LOC400499: variants seen among roughly 807,000 people sequenced by gnomAD.
the LOC400499 span, chr16:11,518,887 C>T: frequency 2.5e-5 from 10 of 398,968 alleles, no homozygotes; most frequent in South Asian, 1.3e-4. Flanking sequence ...AGCCCCATGG[C>T]CAAGTGTCTT....
At chr16:11,471,485 C>A in the LOC400499 span, 3 of 396,542 alleles carry the variant, frequency 7.6e-6, no homozygotes, top group Non-Finnish European at 1.3e-5. Context: ...ATCATACAGC[C>A]CCAGATGGAG....
chr16:11,401,721 G>A, the LOC400499 span, among the ~76,000 whole-genome samples: 3 of 152,172 alleles, frequency 2.0e-5, no homozygotes, highest in East Asian at 5.8e-4. Context: ...CTTCAATTTC[G>A]TCATCTGAAC....
chr16:11,488,154 T>G, the LOC400499 span, among the ~76,000 whole-genome samples: 2 of 151,950 alleles, frequency 1.3e-5, no homozygotes, highest in African/African-American at 4.8e-5. Context: ...TACCCGCCTC[T>G]TGGTGTACAG....
the LOC400499 span, chr16:11,442,540 A>T: frequency 6.6e-6 from 1 of 152,216 alleles, no homozygotes; most frequent in Non-Finnish European, 1.5e-5. Flanking sequence ...GGTTTTAAAA[A>T]GAGCAGACAG....
chr16:11,444,425 G>T, the LOC400499 span, among the ~76,000 whole-genome samples: 2 of 152,074 alleles, frequency 1.3e-5, no homozygotes, highest in African/African-American at 4.8e-5. Context: ...TAAGTCAGGG[G>T]TCAGCAACTA....
At chr16:11,479,014 A>T in the LOC400499 span, among the ~76,000 whole-genome samples, 70 of 152,248 alleles carry the variant, frequency 4.6e-4, no homozygotes, top group African/African-American at 1.6e-3. Flanking sequence ...GTCAGTTGGA[A>T]CTGTAAATCT....
the LOC400499 span, among the ~76,000 whole-genome samples, chr16:11,511,037 G>T: frequency 6.7e-6 from 1 of 149,538 alleles, no homozygotes; most frequent in Admixed American, 6.7e-5. Context: ...TCACTCTGTC[G>T]CCAGGCTGGA....
chr16:11,479,279 T>G, the LOC400499 span, among the ~76,000 whole-genome samples: 1 of 152,168 alleles, frequency 6.6e-6, no homozygotes, highest in African/African-American at 2.4e-5. Flanking sequence ...GTGTATGTTT[T>G]CATGAAGGTT....
At chr16:11,526,606 C>T in the LOC400499 span, among the ~76,000 whole-genome samples, 1 of 152,184 alleles carries the variant, frequency 6.6e-6, no homozygotes, top group African/African-American at 2.4e-5. Context: ...CTATTGATTA[C>T]ATTTTCTAAT....
the LOC400499 span, among the ~76,000 whole-genome samples, chr16:11,505,445 C>CTTTTTTT: frequency 2.8e-3 from 199 of 71,984 alleles, 5 homozygotes; most frequent in Non-Finnish European, 4.0e-3. Flanking sequence ...TTTTTCTTTT[C>CTTTTTTT]TTTTTTTTTT....
the LOC400499 span, among the ~76,000 whole-genome samples, chr16:11,378,712 G>A: frequency 1.3e-5 from 2 of 152,164 alleles, no homozygotes; most frequent in Admixed American, 1.3e-4. Context: ...TTTGTAGTAT[G>A]TTGTTTAGTT....
the LOC400499 span, among the ~76,000 whole-genome samples, chr16:11,426,846 A>G: frequency 6.9e-6 from 1 of 145,014 alleles, no homozygotes; most frequent in Admixed American, 7.1e-5. Flanking sequence ...TGCTTGAGCC[A>G]TGATCATCCC....
chr16:11,415,402 G>A, the LOC400499 span, among the ~76,000 whole-genome samples: 7,850 of 152,248 alleles, frequency 0.052, 697 homozygotes, highest in African/African-American at 0.18. Context: ...CCAGCAGGGT[G>A]GACGAGCTCC....
chr16:11,478,031 G>A, the LOC400499 span: 190 of 397,178 alleles, frequency 4.8e-4, 2 homozygotes, highest in East Asian at 6.0e-3. Flanking sequence ...GATAAGCGGG[G>A]GCCGGGCTCG....
the LOC400499 span, chr16:11,446,534 G>C: frequency 1.9e-5 from 29 of 1,535,266 alleles, no homozygotes; most frequent in South Asian, 3.1e-4. Context: ...AAAGTCTCTG[G>C]GGTCTCTGCT....
the LOC400499 span, chr16:11,383,728 T>C: frequency 8.1e-7 from 1 of 1,232,380 alleles, no homozygotes. Context: ...AGGCTGGAGC[T>C]CCTGGGTGCC....
the LOC400499 span, among the ~76,000 whole-genome samples, chr16:11,382,721 A>C: frequency 6.6e-6 from 1 of 152,036 alleles, no homozygotes; most frequent in Non-Finnish European, 1.5e-5. Context: ...GAGGCAGGAG[A>C]ACTGCTTGAA....
the LOC400499 span, chr16:11,398,282 T>A: frequency 8.3e-7 from 1 of 1,207,776 alleles, no homozygotes; most frequent in Admixed American, 4.2e-5. Flanking sequence ...GGCACCACCC[T>A]CACTGCTGCC....
the LOC400499 span, among the ~76,000 whole-genome samples, chr16:11,444,669 T>G: frequency 5.9e-5 from 9 of 152,282 alleles, no homozygotes; most frequent in Non-Finnish European, 4.4e-5. Context: ...TTAAATAACA[T>G]CATGACGGCA....
Sources: gnomAD v4.1 joint callset for allele counts (sites outside exome capture counted in the v4.1 genomes callset) on GRCh38, gnomAD v4.1.1 for gene constraint, MANE v1.5 for transcripts.